The following CYP4A22 variants were observed in gnomAD, a reference collection of about 807,000 sequenced individuals.
The protein encoded by CYP4A22 is cytochrome P450 4A22.
CYP4A22 carries 46 observed loss-of-function variants against 56.2 expected under a neutral mutation model. That is an observed-to-expected ratio of 0.82 (90% CI 0.65 to 1.05). The LOEUF (loss-of-function observed/expected upper bound fraction) is 1.05. Ranked by LOEUF, CYP4A22 falls within the 50% of genes least tolerant of loss-of-function variation. The pLI is 0.00. For missense variants in CYP4A22, 541 were observed against 645.9 expected (o/e 0.84, Z 1.76); for synonymous variants, 193 against 251.1 (o/e 0.77, Z 2.19).
chr1:47,140,863 C>A lies in CYP4A22; in HGVS notation c.279C>A (p.Gly93=). ...PSACPYWIWG[G]KVRVQLYDPD... ...CCTGTCCTTATTGGATATGGGGAGGCAAAGTTCGTGTCCAGCTCTATGACC... is the reference window on the plus strand; with the variant it reads ...CCTGTCCTTATTGGATATGGGGAGGAAAAGTTCGTGTCCAGCTCTATGACC... Residue 93 remains glycine (G), a synonymous_variant, in exon 2 of 12, where the codon GGC becomes GGA. Transcript: ENST00000371891. 1 of 1,614,142 alleles carries A rather than the reference C, an allele frequency of 6.2e-7. No individual in the cohort carries two copies. The highest frequency in any genetic ancestry group is 8.5e-7 in the Non-Finnish European group (1 of 1,180,028).
Position 47,144,747 on chromosome 1 carries a change from G to T in CYP4A22, c.1088+7G>T, listed in dbSNP as rs1263523894. On this transcript the variant is annotated splice_region_variant and intron_variant, in intron 8 of 11. Transcript: ENST00000371891. ...ATGGAGCCTCCATCACCTGGTGAGTGAGGGCTCAAAAGATGGGGTTCCCTG... is the reference window on the plus strand; with the variant it reads ...ATGGAGCCTCCATCACCTGGTGAGTTAGGGCTCAAAAGATGGGGTTCCCTG... 1 of 1,613,678 alleles carries T rather than the reference G, an allele frequency of 6.2e-7. No individual in the cohort carries two copies.
chr1:47,138,412 C>T (rs1365152627), intron 1 of CYP4A22, among the ~76,000 whole-genome samples: 5 of 152,166 alleles, frequency 3.3e-5, no homozygotes, highest in Admixed American at 1.3e-4. Context: ...TCTCCTCCCA[C>T]GCACCCAGAC....
chr1:47,142,270 C>T, intron 4 of CYP4A22, 35 bp downstream of exon 4: 1 of 1,560,562 alleles, frequency 6.4e-7, no homozygotes, highest in Non-Finnish European at 8.7e-7. Context: ...CCCACACCCA[C>T]TCACAGCACA....
chr1:47,138,303 T>A (rs1219834416), intron 1 of CYP4A22, among the ~76,000 whole-genome samples: 1 of 152,142 alleles, frequency 6.6e-6, no homozygotes, highest in African/African-American at 2.4e-5. Flanking sequence ...AACCTGACAA[T>A]TGTGGGTACA....
intron 2 of CYP4A22, 147 bp downstream of exon 2, chr1:47,141,068 C>G: frequency 7.6e-7 from 1 of 1,308,332 alleles, no homozygotes; most frequent in Non-Finnish European, 1.0e-6. Flanking sequence ...CATGCCCAGG[C>G]TGTAGTCAAA....
intron 4 of CYP4A22, among the ~76,000 whole-genome samples, chr1:47,142,625 G>T (rs1463565848): frequency 6.6e-6 from 1 of 152,212 alleles, no homozygotes. Context: ...ACCCACCCAG[G>T]CTCTGGCCTG....
intron 11 of CYP4A22, 107 bp from the exon 12 acceptor site, chr1:47,148,495 T>C: frequency 7.0e-7 from 1 of 1,434,298 alleles, no homozygotes; most frequent in Non-Finnish European, 9.4e-7. Flanking sequence ...ACACATGAGG[T>C]TGGGCACTGA....
rs555070132 is a variant in CYP4A22, at chr1:47,142,088, C to A, written c.383-20C>A. 1 of 1,608,580 alleles carries A rather than the reference C, an allele frequency of 6.2e-7. No homozygotes were observed. The highest frequency in any genetic ancestry group is 1.3e-5 in the African/African-American group (1 of 74,998). ...GCAGCCTCTGATACACACACATACA[C>A]ATATTCGTGTCTACCTTAGGGTACG... On this transcript the variant is annotated intron_variant, in intron 3 of 11. Transcript: ENST00000371891.
At chr1:47,142,901 G>A (rs1356726414) in intron 4 of CYP4A22, among the ~76,000 whole-genome samples, 3 of 152,168 alleles carry the variant, frequency 2.0e-5, no homozygotes, top group Admixed American at 1.3e-4. Context: ...TAGTCCCTCA[G>A]AACTAGCTCA....
At position 47,142,237 on chromosome 1, in the gene CYP4A22, T is replaced by C; in HGVS notation, c.510+2T>C. Reference sequence around the variant, plus strand: ...GCAGACTCTGTACGAGTGATGCTGGTGAGTCCATGTCTCTCTCCTCTCCCC... The same window carrying C: ...GCAGACTCTGTACGAGTGATGCTGGCGAGTCCATGTCTCTCTCCTCTCCCC... On this transcript the variant is annotated splice_donor_variant, in intron 4 of 11. Transcript: ENST00000371891. LOFTEE classifies it high-confidence loss of function. 3 of 1,601,164 alleles carry C rather than the reference T, an allele frequency of 1.9e-6. No individual in the cohort carries two copies. The highest frequency in any genetic ancestry group is 2.6e-6 in the Non-Finnish European group (3 of 1,173,378).
chr1:47,138,895 T>TG (rs1644976035), intron 1 of CYP4A22, among the ~76,000 whole-genome samples: 1 of 152,102 alleles, frequency 6.6e-6, no homozygotes, highest in South Asian at 2.1e-4. Flanking sequence ...CTCACCAAGG[T>TG]GCTATGAATT....
At position 47,144,687 on chromosome 1, in the gene CYP4A22, G is replaced by C; in HGVS notation, c.1035G>C (p.Glu345Asp). ...YALATHPKHQ[E>D]RCREEIHGLL... ...TGGCCACACACCCCAAGCATCAGGA[G>C]AGGTGCCGGGAGGAGATCCATGGCC... The change falls in exon 8 of 12, where the codon GAG (glutamate) becomes GAC (aspartate). Residue 345 changes from glutamate to aspartate, a missense_variant. Physicochemically the swap from Glu to Asp is conservative, Grantham distance 45. Transcript: ENST00000371891. 1 of 1,613,954 alleles carries C rather than the reference G, an allele frequency of 6.2e-7. No individual in the cohort carries two copies.
At chr1:47,145,492 G>A (rs741957) in intron 9 of CYP4A22, among the ~76,000 whole-genome samples, 13,142 of 152,220 alleles carry the variant, frequency 0.086, 765 homozygotes, top group East Asian at 0.3. Flanking sequence ...TGATACTCAG[G>A]TATCTCCCCT....
rs929995581 is a variant in CYP4A22 at position 47,137,692 on chromosome 1, C to G, written c.195+12C>G. ...GGCACATCCAGGAGGTAGGGAGGAA[C>G]TCAGTGGGGGAGTGGGAGGGCAAGG... On this transcript the variant is annotated intron_variant, in intron 1 of 11. Transcript: ENST00000371891. 1 of 1,602,702 alleles carries G rather than the reference C, an allele frequency of 6.2e-7. No individual in the cohort carries two copies. Among genetic ancestry groups the G allele is most frequent in the Non-Finnish European group, 8.5e-7 (1 of 1,173,464 alleles).
At chr1:47,141,060 T>G (rs917219120) in intron 2 of CYP4A22, 139 bp downstream of exon 2, 2 of 1,352,888 alleles carry the variant, frequency 1.5e-6, no homozygotes, top group Non-Finnish European at 2.0e-6. Flanking sequence ...AAGCCCACCA[T>G]GCCCAGGCTG....
At chr1:47,137,759 C>G in intron 1 of CYP4A22, 79 bp downstream of exon 1, 1 of 1,513,332 alleles carries the variant, frequency 6.6e-7, no homozygotes, top group Non-Finnish European at 8.8e-7. Context: ...ATCCATAGAG[C>G]AAAGCCTTGT....
chr1:47,145,539 T>C (rs1271193176), intron 9 of CYP4A22, among the ~76,000 whole-genome samples: 3 of 152,200 alleles, frequency 2.0e-5, no homozygotes, highest in Non-Finnish European at 2.9e-5. Context: ...CCTTGGAGCA[T>C]TGTTGTATTG....
At chr1:47,142,256 T>A (rs1454101279) in intron 4 of CYP4A22, 21 bp downstream of exon 4, 1 of 1,579,038 alleles carries the variant, frequency 6.3e-7, no homozygotes, top group Non-Finnish European at 8.6e-7. Context: ...GTCTCTCTCC[T>A]CTCCCCACAC....
chr1:47,137,859 G>T (rs969639322), intron 1 of CYP4A22, among the ~76,000 whole-genome samples, 179 bp downstream of exon 1: 1 of 152,150 alleles, frequency 6.6e-6, no homozygotes, highest in Non-Finnish European at 1.5e-5. Flanking sequence ...CTCCTCCCAT[G>T]AAGCCCATCC....
Sources: allele counts gnomAD v4.1 joint callset (sites outside exome capture counted in the v4.1 genomes callset), GRCh38; gene constraint gnomAD v4.1.1; transcripts MANE v1.5; gene names NCBI Gene and HGNC (gene_info 2026-07-23, HGNC 2026-07-21).